The following ST7 variants were observed in gnomAD, a reference collection of about 807,000 sequenced individuals.
ST7 encodes suppressor of tumorigenicity 7 protein.
In ST7, 28 loss-of-function variants were observed where a neutral mutation model predicts 78.7. The observed-to-expected ratio is 0.36, with a 90% CI of 0.26 to 0.49. The LOEUF (loss-of-function observed/expected upper bound fraction) is 0.49, where lower values mean the gene tolerates loss of function less well. Among genes scored for constraint, ST7 ranks in the 20% least tolerant of loss-of-function variants. The probability of loss-of-function intolerance (pLI) is 0.99; values close to 1 mark genes in which losing one functional copy is unlikely to be tolerated. For missense variants in ST7, 418 were observed against 696.0 expected (o/e 0.60, Z 4.49); for synonymous variants, 247 against 249.6 (o/e 0.99, Z 0.10).
At chr7:117,222,808 C>T (rs1274804201) in intron 15 of ST7, 1 of 1,337,550 alleles carries the variant, frequency 7.5e-7, no homozygotes, top group African/African-American at 1.4e-5. Context: ...AAGGCGAGTG[C>T]AATCAGAAAG....
At chr7:116,984,399 A>G (rs977765707) in intron 1 of ST7, among the ~76,000 whole-genome samples, 1 of 152,184 alleles carries the variant, frequency 6.6e-6, no homozygotes, top group East Asian at 1.9e-4. Context: ...GGTTAATCCT[A>G]AAGTCTGTGG....
chr7:116,953,859 CG>C, intron 1 of ST7, 168 bp downstream of exon 1: 3 of 264,172 alleles, frequency 1.1e-5, no homozygotes, highest in Non-Finnish European at 1.7e-5. Context: ...GCGGCGGGGC[CG>C]GGCAGCTGGG....
chr7:116,998,042 G>A (rs937753041), intron 1 of ST7, among the ~76,000 whole-genome samples: 6 of 152,224 alleles, frequency 3.9e-5, no homozygotes, highest in Admixed American at 2.0e-4. Flanking sequence ...GCCGTGGAGC[G>A]GGGCGCGGTG....
intron 1 of ST7, among the ~76,000 whole-genome samples, chr7:117,033,567 G>T (rs1374809690): frequency 2.0e-5 from 3 of 151,974 alleles, no homozygotes; most frequent in African/African-American, 4.8e-5. Context: ...AGGATTACAG[G>T]TGCCCGCCAC....
chr7:117,126,340 T>C (rs1162006308), intron 3 of ST7, among the ~76,000 whole-genome samples: 1 of 151,972 alleles, frequency 6.6e-6, no homozygotes, highest in Non-Finnish European at 1.5e-5. Flanking sequence ...GATTAAAAGC[T>C]CTGTGACTAT....
intron 1 of ST7, among the ~76,000 whole-genome samples, chr7:116,991,230 C>T (rs1483066630): frequency 6.6e-6 from 1 of 152,170 alleles, no homozygotes. Context: ...TTTTTCCACC[C>T]TGACACATGC....
chr7:117,197,238 G>A (rs920961977), intron 12 of ST7, among the ~76,000 whole-genome samples: 10 of 152,250 alleles, frequency 6.6e-5, no homozygotes, highest in African/African-American at 1.9e-4. Context: ...AGTCTCTGTT[G>A]CCCAAGTTGT....
chr7:116,977,709 G>A (rs556002400), intron 1 of ST7, among the ~76,000 whole-genome samples: 12 of 152,214 alleles, frequency 7.9e-5, no homozygotes, highest in Admixed American at 4.6e-4. Flanking sequence ...GTGCCACCAC[G>A]CCCAGCTAAT....
intron 1 of ST7, among the ~76,000 whole-genome samples, chr7:116,975,506 C>G (rs1453723335): frequency 6.6e-6 from 1 of 152,018 alleles, no homozygotes; most frequent in Non-Finnish European, 1.5e-5. Context: ...CTCCCGGGTT[C>G]AAGCGGTTCT....
intron 8 of ST7, chr7:117,136,506 T>C: frequency 1.8e-6 from 1 of 566,486 alleles, no homozygotes; most frequent in Non-Finnish European, 3.1e-6. Context: ...ATAGTAACCT[T>C]TTTTCCTCCT....
rs759010682 is a variant in ST7 at position 117,099,835 on chromosome 7, G to A, written c.225G>A (p.Gly75=). 1.2e-5 allele frequency: 20 copies of A among 1,612,856 alleles called. No homozygotes were observed. Among genetic ancestry groups the A allele is most frequent in the Non-Finnish European group, 1.7e-5 (20 of 1,179,422 alleles). The change falls in exon 2 of 16, where the codon GGG becomes GGA. Residue 75 remains glycine (G), a synonymous_variant. Coordinates refer to ENST00000323984, the MANE Select transcript of ST7 (RefSeq NM_001369598.1). ...CAGGCACTTCCTCACTAATATCAGG[G>A]CTTATTTTGGTAAGTGGTGGAGTCC... The part of the protein sequence containing the change: ...ALTGTSSLIS[G]LILIFEWWYF...
chr7:117,181,599 G>T (rs1808775280), intron 10 of ST7, among the ~76,000 whole-genome samples: 1 of 152,064 alleles, frequency 6.6e-6, no homozygotes, highest in African/African-American at 2.4e-5. Flanking sequence ...CGTTGCTGAG[G>T]TATAATTATT....
intron 1 of ST7, chr7:116,967,294 C>T (rs1340034174): frequency 1.3e-5 from 6 of 471,160 alleles, no homozygotes; most frequent in Non-Finnish European, 2.2e-5. Context: ...CACATACCCG[C>T]AGTGGTGGTG....
At chr7:116,957,884 A>G (rs1003559590) in intron 1 of ST7, among the ~76,000 whole-genome samples, 3 of 152,254 alleles carry the variant, frequency 2.0e-5, no homozygotes, top group Non-Finnish European at 2.9e-5. Context: ...TGATTTTCCA[A>G]TTCTTTTTCT....
chr7:117,080,069 C>T (rs1799648526), intron 1 of ST7, among the ~76,000 whole-genome samples: 1 of 148,524 alleles, frequency 6.7e-6, no homozygotes, highest in Non-Finnish European at 1.5e-5. Context: ...CAAGCTCCGC[C>T]TCCCGGGTTC....
intron 1 of ST7, among the ~76,000 whole-genome samples, chr7:117,097,902 ATATATATTTTT>A (rs1314752268): frequency 3.5e-4 from 11 of 31,288 alleles, no homozygotes; most frequent in African/African-American, 1.3e-3. Flanking sequence ...ATATATATAT[ATATATATTTTT>A]TTTTTTTTTT....
At chr7:117,018,482 C>T (rs944936917) in intron 1 of ST7, among the ~76,000 whole-genome samples, 3 of 151,914 alleles carry the variant, frequency 2.0e-5, no homozygotes, top group Non-Finnish European at 4.4e-5. Flanking sequence ...TCTCTTTTAA[C>T]GATTTTTTTT....
At chr7:117,157,021 T>C (rs935871406) in intron 9 of ST7, among the ~76,000 whole-genome samples, 1 of 152,182 alleles carries the variant, frequency 6.6e-6, no homozygotes, top group Admixed American at 6.5e-5. Flanking sequence ...GATGTTCACA[T>C]AGACTGAAAT....
At chr7:116,981,979 T>C (rs1436941980) in intron 1 of ST7, among the ~76,000 whole-genome samples, 1 of 152,190 alleles carries the variant, frequency 6.6e-6, no homozygotes, top group Admixed American at 6.5e-5. Flanking sequence ...TTTTAATCTT[T>C]TGGTATATAA....
Sources: allele counts gnomAD v4.1 joint callset (sites outside exome capture counted in the v4.1 genomes callset), GRCh38; gene constraint gnomAD v4.1.1; transcripts MANE v1.5; gene names NCBI Gene and HGNC (gene_info 2026-07-23, HGNC 2026-07-21).